Variants in SLMAP observed in about 807,000 individuals in gnomAD.
SLMAP encodes sarcolemma associated protein.
A neutral mutation model predicts 128.8 loss-of-function variants in SLMAP; 44 were observed. The ratio of observed to expected loss-of-function variants is 0.34; its 90% confidence interval spans 0.27 to 0.44. The LOEUF (loss-of-function observed/expected upper bound fraction) is 0.44, where lower values mean the gene tolerates loss of function less well. SLMAP is among the 20% of genes least tolerant of loss of function. The pLI is 1.00. For synonymous variants in SLMAP, 327 were observed against 348.8 expected (o/e 0.94, Z 0.70); for missense variants, 787 against 985.3 (o/e 0.80, Z 2.69).
At chr3:57,839,907 C>T (rs944077470) in intron 3 of SLMAP, among the ~76,000 whole-genome samples, 3 of 151,762 alleles carry the variant, frequency 2.0e-5, no homozygotes, top group Non-Finnish European at 4.4e-5. Flanking sequence ...AGGCTGGTCT[C>T]GAACTCCTGA....
At chr3:57,906,626 A>G (rs1452941603) in intron 17 of SLMAP, among the ~76,000 whole-genome samples, 3 of 147,032 alleles carry the variant, frequency 2.0e-5, no homozygotes, top group African/African-American at 7.5e-5. Context: ...CCAGAATACA[A>G]TTTTTCTAGA....
chr3:57,781,719 A>G (rs2083107686), intron 2 of SLMAP, among the ~76,000 whole-genome samples: 1 of 146,626 alleles, frequency 6.8e-6, no homozygotes, highest in Non-Finnish European at 1.5e-5. Flanking sequence ...AAGTAAATAA[A>G]TATTGACTGA....
chr3:57,909,917 T>C (rs1576237407), intron 19 of SLMAP, among the ~76,000 whole-genome samples: 1 of 151,366 alleles, frequency 6.6e-6, no homozygotes, highest in African/African-American at 2.4e-5. Context: ...TGGCCTATTT[T>C]TTTTTTTTTT....
At chr3:57,883,254 A>G (rs2095794814) in intron 14 of SLMAP, among the ~76,000 whole-genome samples, 1 of 152,218 alleles carries the variant, frequency 6.6e-6, no homozygotes, top group Non-Finnish European at 1.5e-5. Context: ...TCAGTTTTAG[A>G]CATGGTGAGA....
At chr3:57,881,583 G>A (rs779646463) in intron 14 of SLMAP, among the ~76,000 whole-genome samples, 112 of 152,048 alleles carry the variant, frequency 7.4e-4, no homozygotes, top group Middle Eastern at 3.4e-3. Context: ...TCAGCCTCCC[G>A]AGTAGCTGGG....
chr3:57,824,862 G>A (rs1230349305), intron 2 of SLMAP, among the ~76,000 whole-genome samples: 1 of 152,098 alleles, frequency 6.6e-6, no homozygotes, highest in African/African-American at 2.4e-5. Flanking sequence ...TACCTTCACA[G>A]TATTAAGACT....
intron 17 of SLMAP, chr3:57,897,146 G>A: frequency 7.7e-7 from 1 of 1,302,284 alleles, no homozygotes; most frequent in South Asian, 2.5e-5. Context: ...AAGATTACGA[G>A]GGACAAAGTG....
At chr3:57,886,380 T>C (rs1380300440) in intron 14 of SLMAP, among the ~76,000 whole-genome samples, 1 of 152,204 alleles carries the variant, frequency 6.6e-6, no homozygotes, top group Non-Finnish European at 1.5e-5. Flanking sequence ...ATTACAGGCA[T>C]GAGCCACTGC....
chr3:57,790,185 A>G (rs2085154180), intron 2 of SLMAP, among the ~76,000 whole-genome samples: 1 of 152,170 alleles, frequency 6.6e-6, no homozygotes, highest in Non-Finnish European at 1.5e-5. Flanking sequence ...TGCATTTCTG[A>G]TGATAGCAAA....
At chr3:57,912,764 TA>T in intron 20 of SLMAP, 63 bp downstream of exon 20, 1 of 1,302,846 alleles carries the variant, frequency 7.7e-7, no homozygotes. Context: ...TTAACTTGTT[TA>T]AAAAAGAAAC....
chr3:57,863,764 AG>A (rs1283876724), intron 10 of SLMAP, among the ~76,000 whole-genome samples: 1 of 152,200 alleles, frequency 6.6e-6, no homozygotes, highest in Non-Finnish European at 1.5e-5. Context: ...TCCAACACTG[AG>A]GATCAAATTT....
intron 2 of SLMAP, among the ~76,000 whole-genome samples, chr3:57,799,574 C>T (rs1205845111): frequency 6.6e-6 from 1 of 152,100 alleles, no homozygotes; most frequent in Non-Finnish European, 1.5e-5. Flanking sequence ...TTCCTTTAAA[C>T]ATTTTGAGCT....
At chr3:57,783,204 T>C (rs1034776547) in intron 2 of SLMAP, among the ~76,000 whole-genome samples, 1 of 152,156 alleles carries the variant, frequency 6.6e-6, no homozygotes, top group African/African-American at 2.4e-5. Context: ...GTGATTCTGG[T>C]GAGAGCTCCG....
At chr3:57,817,372 C>G (rs941290267) in intron 2 of SLMAP, among the ~76,000 whole-genome samples, 8 of 152,116 alleles carry the variant, frequency 5.3e-5, no homozygotes, top group African/African-American at 1.7e-4. Flanking sequence ...GGTCACAAAT[C>G]CATTCTATTA....
chr3:57,854,910 T>C (rs2094696312), intron 6 of SLMAP, among the ~76,000 whole-genome samples: 2 of 152,214 alleles, frequency 1.3e-5, no homozygotes, highest in African/African-American at 4.8e-5. Context: ...TACATTGTAC[T>C]TACATAACCT....
chr3:57,843,981 A>G (rs1178663408), intron 4 of SLMAP, among the ~76,000 whole-genome samples: 1 of 151,234 alleles, frequency 6.6e-6, no homozygotes, highest in Non-Finnish European at 1.5e-5. Context: ...GGGTTTCACT[A>G]TATTGGCCGG....
intron 19 of SLMAP, among the ~76,000 whole-genome samples, chr3:57,909,643 G>A (rs950725539): frequency 1.3e-4 from 20 of 151,802 alleles, no homozygotes; most frequent in East Asian, 7.7e-4. Flanking sequence ...ACAGAGTTTC[G>A]CTCTTGTTGC....
chr3:57,847,276 G>C (rs369314287), intron 5 of SLMAP, 43 bp downstream of exon 5: 13 of 1,482,874 alleles, frequency 8.8e-6, no homozygotes, highest in African/African-American at 1.4e-5. Flanking sequence ...ACTCAGCTAT[G>C]TTGCTTTGAA....
chr3:57,779,601 A>G (rs183905216), intron 2 of SLMAP, among the ~76,000 whole-genome samples: 5 of 152,248 alleles, frequency 3.3e-5, no homozygotes, highest in Non-Finnish European at 5.9e-5. Flanking sequence ...TAATAGAATG[A>G]TAAGCAATCC....
Sources: allele counts gnomAD v4.1 joint callset (sites outside exome capture counted in the v4.1 genomes callset), GRCh38; gene constraint gnomAD v4.1.1; transcripts MANE v1.5; gene names NCBI Gene and HGNC (gene_info 2026-07-23, HGNC 2026-07-21).